The following MUC21 variants were observed in gnomAD, a reference collection of about 807,000 sequenced individuals.
MUC21 encodes the protein mucin-21.
A neutral mutation model predicts 9.1 loss-of-function variants in MUC21; 8 were observed. That is an observed-to-expected ratio of 0.88 (90% CI 0.52 to 1.59). The LOEUF (loss-of-function observed/expected upper bound fraction) is 1.59. Among genes scored for constraint, MUC21 ranks in the 40% most tolerant of loss-of-function variants. The pLI is 0.00. For missense variants in MUC21, 478 were observed against 694.2 expected (o/e 0.69, Z 3.50); for synonymous variants, 189 against 275.2 (o/e 0.69, Z 3.10).
At position 30,987,987 on chromosome 6, in the gene MUC21, CT is replaced by C; in HGVS notation, c.1507-11del. ...GGATGCAATTCTGAAACTATTGACT[CT>C]TCTTTTTTTAGAGAAACAGCCTGTC... is the stretch of plus-strand genomic sequence containing the variant. On this transcript the variant is annotated splice_polypyrimidine_tract_variant and intron_variant, in intron 2 of 2. Transcript: ENST00000376296. 9.1e-7 allele frequency: 1 copy of C among 1,093,950 alleles called. No individual in the cohort carries two copies. The highest frequency in any genetic ancestry group is 1.2e-5 in the South Asian group (1 of 80,746). The allele number at this position is 1,093,950 out of a possible 1,614,324, so 67.8% of individuals were successfully genotyped here. A position where few individuals can be genotyped will look rare whatever the true frequency, so the allele number is the denominator to read the frequency against.
chr6:30,986,186 G>C, intron 1 of MUC21, 51 bp from the exon 2 acceptor site: 2 of 1,477,276 alleles, frequency 1.4e-6, no homozygotes, highest in Non-Finnish European at 1.8e-6. Flanking sequence ...CAAGCAATAA[G>C]CAGAAAGTAT....
chr6:30,985,693 T>G (rs1762216439), intron 1 of MUC21, among the ~76,000 whole-genome samples: 1 of 152,218 alleles, frequency 6.6e-6, no homozygotes, highest in Non-Finnish European at 1.5e-5. Context: ...CTTAGCTTAG[T>G]CTCCACAAGT....
In MUC21 at chr6:30,983,841, C is replaced by A; in HGVS notation, c.-118C>A. The A allele has an allele frequency of 1.6e-6, 1 of 634,052 alleles. No homozygotes were observed. Among genetic ancestry groups the A allele is most frequent in the Non-Finnish European group, 2.9e-6 (1 of 350,392 alleles). The allele number at this position is 634,052 out of a possible 1,614,324, so 39.3% of individuals were successfully genotyped here. On this transcript the variant is annotated 5_prime_UTR_variant, in exon 1 of 3. Transcript: ENST00000376296. ...TAGGAGACCCACGCTCCTGGAAGCACCAGCCTTTATCTCTTCACCTTCAAG... is the reference window on the plus strand; with the variant it reads ...TAGGAGACCCACGCTCCTGGAAGCAACAGCCTTTATCTCTTCACCTTCAAG...
At position 30,987,021 on chromosome 6, in the gene MUC21, C is replaced by A. The variant is rs41288663; in HGVS notation, c.846C>A (p.Ile282=). 202 of 1,604,400 alleles carry A rather than the reference C, an allele frequency of 1.3e-4. 2 individuals are homozygous for A. In the East Asian group the frequency reaches 3.8e-3, roughly 30 times the overall value. The change falls in exon 2 of 3, where the codon ATC becomes ATA. Residue 282 remains isoleucine (I), a synonymous_variant. Transcript: ENST00000376296. ...AGTCCAGCACAGTGTCCAGTGGGAT[C>A]AGCACAGTCACCAATTCTGAGTCCA... is the stretch of plus-strand genomic sequence containing the variant. ...NSESSTVSSG[I]STVTNSESST... is the part of the protein sequence containing the mutation.
intron 1 of MUC21, among the ~76,000 whole-genome samples, chr6:30,985,337 T>G (rs1762205127): frequency 6.6e-6 from 1 of 152,248 alleles, no homozygotes; most frequent in Non-Finnish European, 1.5e-5. Flanking sequence ...GGAACTTGAA[T>G]GCATATAGTC....
chr6:30,984,489 G>A (rs1283464369), intron 1 of MUC21, among the ~76,000 whole-genome samples: 1 of 152,074 alleles, frequency 6.6e-6, no homozygotes, highest in Admixed American at 6.6e-5. Context: ...AGCTAACGTG[G>A]CAAAACCCTG....
Position 30,983,931 on chromosome 6 carries a change from A to G in MUC21, c.-28A>G, listed in dbSNP as rs45627032. The G allele has an allele frequency of 9.7e-3, 7,522 of 779,012 alleles. 56 individuals carry two copies. Among genetic ancestry groups the G allele is most frequent in the Non-Finnish European group, 0.012 (5,214 of 417,758 alleles). 48.3% of individuals were successfully genotyped at this position (779,012 alleles called of 1,614,324 possible). A position where few individuals can be genotyped will look rare whatever the true frequency, so the allele number is the denominator to read the frequency against. On this transcript the variant is annotated 5_prime_UTR_variant, in exon 1 of 3. Transcript: ENST00000376296. ...GTCTTGGTACATCTAGGACCCAGGC[A>G]TCTTGCTTTCCAGCCACAAAGAGAC...
Position 30,986,739 on chromosome 6 carries a change from G to A in MUC21, c.564G>A (p.Val188=), listed in dbSNP as rs769019049. The change falls in exon 2 of 3, where the codon GTG becomes GTA. Residue 188 remains valine (V), a synonymous_variant. Coordinates refer to ENST00000376296, the MANE Select transcript of MUC21 (RefSeq NM_001010909.5). ...CCACCAACTCTGAGTCCAGCACAGT[G>A]TCCAGTAGGGCCAGCACTGCCACCA... ...STATNSESST[V]SSRASTATNS... is the part of the protein sequence containing the mutation. 6.8e-7 allele frequency: 1 copy of A among 1,476,230 alleles called. No homozygotes were observed. The highest frequency in any genetic ancestry group is 9.0e-7 in the Non-Finnish European group (1 of 1,108,564). The allele number at this position is 1,476,230 out of a possible 1,614,324, so 91.4% of individuals were successfully genotyped here. A position where few individuals can be genotyped will look rare whatever the true frequency, so the allele number is the denominator to read the frequency against.
chr6:30,987,698 T>C lies in MUC21; in HGVS notation c.1506+17T>C. The C allele has an allele frequency of 8.1e-6, 13 of 1,606,780 alleles. No homozygotes were observed. The highest frequency in any genetic ancestry group is 9.3e-6 in the Non-Finnish European group (11 of 1,177,386). On this transcript the variant is annotated intron_variant, in intron 2 of 2. Transcript: ENST00000376296. The stretch of plus-strand genomic sequence containing the variant: ...TTCTGTGTGGTGAGTGCCTAATATG[T>C]AAGAAAATGCCTGGGGGAAGGAGCA...
At chr6:30,985,432 A>G (rs114570543) in intron 1 of MUC21, among the ~76,000 whole-genome samples, 2,884 of 152,274 alleles carry the variant, frequency 0.019, 64 homozygotes, top group East Asian at 0.1. Flanking sequence ...GCTTAAGAAT[A>G]TTTTCAACAT....
chr6:30,984,244 A>G (rs1762157875), intron 1 of MUC21: 1 of 498,736 alleles, frequency 2.0e-6, no homozygotes, highest in Non-Finnish European at 3.5e-6. Flanking sequence ...TTATGGCTCC[A>G]TCTATTAACT....
rs755686960 is a variant in MUC21 at position 30,983,966 on chromosome 6, T to C, written c.8T>C (p.Met3Thr). 6 of 779,848 alleles carry C rather than the reference T, an allele frequency of 7.7e-6. No individual in the cohort carries two copies. The highest frequency in any genetic ancestry group is 1.3e-5 in the South Asian group (1 of 74,580). The allele number at this position is 779,848 out of a possible 1,614,324, so 48.3% of individuals were successfully genotyped here. A position where few individuals can be genotyped will look rare whatever the true frequency, so the allele number is the denominator to read the frequency against. The stretch of plus-strand genomic sequence containing the variant: ...CCAGCCACAAAGAGACAGATGAAGA[T>C]GCAGAAAGGAAATGTTCTCCTTATG... The part of the protein sequence containing the change: MK[M>T]QKGNVLLMFG... The change falls in exon 1 of 3, where the codon ATG (methionine) becomes ACG (threonine). Residue 3 changes from methionine (M) to threonine (T), a missense_variant. Physicochemically the swap from Met to Thr is moderately conservative, Grantham distance 81 (BLOSUM62 -1). Transcript: ENST00000376296.
At chr6:30,984,996 C>CAATAAATAA (rs1762188425) in intron 1 of MUC21, among the ~76,000 whole-genome samples, 1 of 142,814 alleles carries the variant, frequency 7.0e-6, no homozygotes, top group Admixed American at 7.0e-5. Flanking sequence ...AATAAATAAG[C>CAATAAATAA]AATAAAATAA....
rs1253893023 is a variant in MUC21, at chr6:30,987,579, G to A, written c.1404G>A (p.Glu468=). ...ATAGTGCATCTACTGCAGTGAGTGA[G>A]GCGAAGCCTGGTGGGTCCCTGGTGC... ...TSHSASTAVS[E]AKPGGSLVPW... is the part of the protein sequence containing the mutation. Residue 468 remains glutamate, a synonymous_variant, in exon 2 of 3, where the codon GAG becomes GAA. Transcript: ENST00000376296. 1 of 1,614,134 alleles carries A rather than the reference G, an allele frequency of 6.2e-7. No homozygotes were observed.
chr6:30,986,212 A>G, intron 1 of MUC21, 25 bp from the exon 2 acceptor site: 1 of 1,585,492 alleles, frequency 6.3e-7, no homozygotes, highest in Non-Finnish European at 8.6e-7. Context: ...CACAATATAT[A>G]TTTGTCATTA....
chr6:30,985,233 T>C (rs1235413564), intron 1 of MUC21, among the ~76,000 whole-genome samples: 1 of 152,118 alleles, frequency 6.6e-6, no homozygotes, highest in Non-Finnish European at 1.5e-5. Context: ...CTTTAGACGT[T>C]GGTTTACAGC....
At position 30,987,559 on chromosome 6, in the gene MUC21, G is replaced by C; in HGVS notation, c.1384G>C (p.Ala462Pro). The C allele has an allele frequency of 6.2e-7, 1 of 1,614,276 alleles. No homozygotes were observed. Among genetic ancestry groups the C allele is most frequent in the African/African-American group, 1.3e-5 (1 of 75,074 alleles). The change falls in exon 2 of 3, where the codon GCA becomes CCA. Residue 462 changes from alanine to proline, a missense_variant. Physicochemically the swap from Ala to Pro is conservative, Grantham distance 27 (BLOSUM62 -1). Coordinates refer to ENST00000376296, the MANE Select transcript of MUC21 (RefSeq NM_001010909.5). ...LTGMHTTSHS[A>P]STAVSEAKPG... ...TGGAATGCACACAACTTCCCATAGT[G>C]CATCTACTGCAGTGAGTGAGGCGAA...
Position 30,983,736 on chromosome 6 carries a change from A to G in MUC21, c.-223A>G, listed in dbSNP as rs906129378. 8 of 478,490 alleles carry G rather than the reference A, an allele frequency of 1.7e-5. No homozygotes were observed. Among genetic ancestry groups the G allele is most frequent in the Non-Finnish European group, 1.1e-5 (3 of 272,770 alleles). The allele number at this position is 478,490 out of a possible 1,614,324, so 29.6% of individuals were successfully genotyped here. On this transcript the variant is annotated 5_prime_UTR_variant, in exon 1 of 3. Coordinates refer to ENST00000376296, the MANE Select transcript of MUC21 (RefSeq NM_001010909.5). ...TCACAACAGAGAAAGAGGCAACTAC[A>G]TTGCCTGGAGGAAGCCTAAGGAACC...
In MUC21 at chr6:30,986,385, T is replaced by G; in HGVS notation, c.210T>G (p.Asn70Lys). ...TCTCAGGGTCCAGCGTGACCTCCAA[T>G]GGGGTCAGCATAGTCACCAACTCTG... ...ATISGSSVTS[N>K]GVSIVTNSEF... is the part of the protein sequence containing the mutation. The change falls in exon 2 of 3, where the codon AAT (asparagine) becomes AAG (lysine). Residue 70 changes from asparagine (N) to lysine (K), a missense_variant. Asn to Lys is a moderately conservative substitution (Grantham distance 94). This residue lies in a region of MUC21 where 110 missense variants were observed against 108.3 expected (regional missense o/e 1.02). Coordinates refer to ENST00000376296, the MANE Select transcript of MUC21 (RefSeq NM_001010909.5). 1 of 1,612,178 alleles carries G rather than the reference T, an allele frequency of 6.2e-7. No individual in the cohort carries two copies. The highest frequency in any genetic ancestry group is 8.5e-7 in the Non-Finnish European group (1 of 1,179,210).
Sources: gnomAD v4.1 joint callset for allele counts (sites outside exome capture counted in the v4.1 genomes callset) on GRCh38, gnomAD v4.1.1 for gene constraint, gnomAD v4.1.1 regional missense constraint, MANE v1.5 for transcripts, NCBI Gene and HGNC (gene_info 2026-07-23, HGNC 2026-07-21) for gene names.